Variants in RBM20 observed in about 807,000 individuals in gnomAD.
The protein encoded by RBM20 is RNA binding motif protein 20, also known as RNA-binding protein 20.
Under a neutral mutation model 110.1 loss-of-function variants are expected in RBM20, and 51 were observed. The ratio of observed to expected loss-of-function variants is 0.46; its 90% CI spans 0.37 to 0.59. The LOEUF (loss-of-function observed/expected upper bound fraction) is 0.59. RBM20 is among the 20% of genes least tolerant of loss of function. The pLI, the probability that RBM20 is intolerant of heterozygous loss-of-function variation, is 0.00. For missense variants in RBM20, 1,512 were observed against 1,574.9 expected (o/e 0.96, Z 0.68); for synonymous variants, 589 against 618.2 (o/e 0.95, Z 0.70).
chr10:110,737,186 A>AAAAAAAAAAAAAAAAAAAAC (rs1564830182), intron 1 of RBM20, among the ~76,000 whole-genome samples: 2 of 140,136 alleles, frequency 1.4e-5, no homozygotes, highest in Non-Finnish European at 3.1e-5. Context: ...TCAAAAAAAA[A>AAAAAAAAAAAAAAAAAAAAC]AAAAAAAAAA....
At chr10:110,771,341 C>G (rs1046168094) in intron 1 of RBM20, among the ~76,000 whole-genome samples, 2 of 152,090 alleles carry the variant, frequency 1.3e-5, no homozygotes, top group Non-Finnish European at 2.9e-5. Flanking sequence ...GTTGGTCAGG[C>G]TGGTCTAGAA....
At chr10:110,714,230 A>C (rs1354628959) in intron 1 of RBM20, among the ~76,000 whole-genome samples, 1 of 152,200 alleles carries the variant, frequency 6.6e-6, no homozygotes, top group Admixed American at 6.5e-5. Context: ...CAAGAGCCTC[A>C]TGAACCTGGG....
chr10:110,832,330 C>G (rs61862944), intron 13 of RBM20, among the ~76,000 whole-genome samples: 1 of 152,100 alleles, frequency 6.6e-6, no homozygotes, highest in Non-Finnish European at 1.5e-5. Flanking sequence ...AAGTCCCAGG[C>G]TAGGCATTAC....
At chr10:110,643,651 A>G (rs1217367431), upstream of RBM20, among the ~76,000 whole-genome samples, 1 of 152,204 alleles carries the variant, frequency 6.6e-6, no homozygotes, top group Non-Finnish European at 1.5e-5. Context: ...TGAAGAGAAA[A>G]AGAAACCAGA....
intron 1 of RBM20, among the ~76,000 whole-genome samples, chr10:110,695,553 A>G (rs1252486151): frequency 6.6e-6 from 1 of 152,206 alleles, no homozygotes; most frequent in Non-Finnish European, 1.5e-5. Context: ...GAAATCTACA[A>G]CCAACTCCTC....
intron 6 of RBM20, 150 bp from the exon 7 acceptor site, chr10:110,799,637 C>T (rs1844595616): frequency 2.9e-6 from 2 of 698,204 alleles, no homozygotes; most frequent in South Asian, 4.7e-5. Context: ...CCCATCCCCA[C>T]CTGAGAGAGA....
chr10:110,666,511 T>C (rs1364063159), intron 1 of RBM20, among the ~76,000 whole-genome samples: 1 of 152,162 alleles, frequency 6.6e-6, no homozygotes, highest in Non-Finnish European at 1.5e-5. Flanking sequence ...CTGGCTGTGG[T>C]GGTACATGCC....
chr10:110,657,294 C>T (rs1862039909), intron 1 of RBM20, among the ~76,000 whole-genome samples: 1 of 152,036 alleles, frequency 6.6e-6, no homozygotes, highest in South Asian at 2.1e-4. Context: ...GGATTACAGG[C>T]ATGAGCCACC....
chr10:110,769,090 A>T (rs1226363082), intron 1 of RBM20, among the ~76,000 whole-genome samples: 1 of 152,182 alleles, frequency 6.6e-6, no homozygotes, highest in Non-Finnish European at 1.5e-5. Context: ...TTTGCTGCAC[A>T]ATTGTTCTCC....
chr10:110,725,614 A>G (rs1472287764), intron 1 of RBM20, among the ~76,000 whole-genome samples: 3 of 152,248 alleles, frequency 2.0e-5, no homozygotes, highest in Non-Finnish European at 4.4e-5. Context: ...TACATGTATA[A>G]CATAAAATGG....
At chr10:110,736,119 C>G (rs1357132035) in intron 1 of RBM20, among the ~76,000 whole-genome samples, 2 of 152,222 alleles carry the variant, frequency 1.3e-5, no homozygotes, top group Non-Finnish European at 2.9e-5. Context: ...GGCAGCAAAT[C>G]TCAAATAACA....
At chr10:110,685,607 A>C (rs1488332623) in intron 1 of RBM20, among the ~76,000 whole-genome samples, 2 of 152,182 alleles carry the variant, frequency 1.3e-5, no homozygotes, top group Non-Finnish European at 1.5e-5. Flanking sequence ...CGGGCAGGAA[A>C]AGATGTCCAA....
chr10:110,746,202 A>G (rs759187269), intron 1 of RBM20, among the ~76,000 whole-genome samples: 14 of 152,122 alleles, frequency 9.2e-5, no homozygotes, highest in Non-Finnish European at 1.3e-4. Context: ...GTCTTCCAAG[A>G]GGGTGAGGGG....
chr10:110,644,451 C>T lies in RBM20; in HGVS notation c.-4C>T. The T allele has an allele frequency of 6.7e-7, 1 of 1,485,272 alleles. No homozygotes were observed. The highest frequency in any genetic ancestry group is 8.9e-7 in the Non-Finnish European group (1 of 1,122,368). The allele number at this position is 1,485,272 out of a possible 1,614,324, so 92.0% of individuals were successfully genotyped here. On this transcript the variant is annotated 5_prime_UTR_variant, in exon 1 of 14. Coordinates refer to ENST00000369519, the MANE Select transcript of RBM20 (RefSeq NM_001134363.3). The surrounding 1 kb of genome is among the most constrained non-coding windows in gnomAD (Gnocchi z 4.3). ...GCCGCGATCCCGGGCGGGTCTCGCC[C>T]CGCATGGTGCTGGCAGCAGCCATGA...
At chr10:110,765,749 G>T (rs1444594853) in intron 1 of RBM20, among the ~76,000 whole-genome samples, 1 of 152,112 alleles carries the variant, frequency 6.6e-6, no homozygotes, top group African/African-American at 2.4e-5. Flanking sequence ...CATGGACGGG[G>T]TGTCTTATAT....
At position 110,824,107 on chromosome 10, in the gene RBM20, T is replaced by C. The variant is rs61862922; in HGVS notation, c.3451+493T>C. Among the ~76,000 whole-genome samples, 1,316 of 152,212 alleles carry C rather than the reference T, an allele frequency of 8.6e-3. 6 individuals are homozygous for C. The highest frequency in any genetic ancestry group is 0.014 in the Non-Finnish European group (920 of 68,012). On this transcript the variant is annotated intron_variant, in intron 12 of 13. Transcript: ENST00000369519. ...TGTAAACTTTCTTGCAATTTCAGTCTCCCGTAATAGACCAGATACTCCGTG... is the reference window on the plus strand; with the variant it reads ...TGTAAACTTTCTTGCAATTTCAGTCCCCCGTAATAGACCAGATACTCCGTG...
intron 13 of RBM20, among the ~76,000 whole-genome samples, chr10:110,831,982 A>T (rs558239160): frequency 1.3e-5 from 2 of 152,260 alleles, no homozygotes; most frequent in Non-Finnish European, 2.9e-5. Flanking sequence ...TACCAACTAG[A>T]AAAAAAATGT....
In RBM20 at chr10:110,767,101, C is replaced by T. The variant is rs1338386265; in HGVS notation, c.192-13700C>T. On this transcript the variant is annotated intron_variant, in intron 1 of 13. Transcript: ENST00000369519. The stretch of plus-strand genomic sequence containing the variant: ...GGGGGTGACCCCCCCACCTCCCTCC[C>T]GGACGGGGCGGCTGACCCCCCCCAC... 1.0e-4 allele frequency among the ~76,000 whole-genome samples: 13 copies of T among 124,426 alleles called. 1 individual carries two copies. The highest frequency in any genetic ancestry group is 1.6e-4 in the Non-Finnish European group (9 of 56,414). The allele number at this position is 124,426 out of a possible 152,430, so 81.6% of individuals were successfully genotyped here.
intron 1 of RBM20, among the ~76,000 whole-genome samples, chr10:110,659,307 C>T (rs1355842997): frequency 6.6e-6 from 1 of 152,204 alleles, no homozygotes; most frequent in East Asian, 1.9e-4. Context: ...CAGCTCTGCT[C>T]TGGGCTCCAC....
Sources: gnomAD v4.1 joint callset for allele counts (sites outside exome capture counted in the v4.1 genomes callset) on GRCh38, gnomAD v4.1.1 for gene constraint, Gnocchi (gnomAD v3.1) non-coding constraint, MANE v1.5 for transcripts, NCBI Gene and HGNC (gene_info 2026-07-23, HGNC 2026-07-21) for gene names.